Variants in ABLIM2 observed in about 807,000 individuals in gnomAD.
ABLIM2 encodes the protein actin-binding LIM protein 2.
A neutral mutation model predicts 97.7 loss-of-function variants in ABLIM2; 53 were observed. The ratio of observed to expected loss-of-function variants is 0.54; its 90% CI spans 0.44 to 0.68. The LOEUF (loss-of-function observed/expected upper bound fraction) is 0.68, where lower values mean the gene tolerates loss of function less well. ABLIM2 is among the 30% of genes least tolerant of loss of function. The pLI, the probability that ABLIM2 is intolerant of heterozygous loss-of-function variation, is 0.00. For synonymous variants in ABLIM2, 361 were observed against 345.8 expected (o/e 1.04, Z -0.49); for missense variants, 835 against 867.2 (o/e 0.96, Z 0.47).
chr4:7,969,187 C>T (rs1310225218), intron 20 of ABLIM2, among the ~76,000 whole-genome samples: 4 of 152,044 alleles, frequency 2.6e-5, no homozygotes, highest in Admixed American at 6.6e-5. Flanking sequence ...GGTGTGGTGG[C>T]TCACACCTGT....
Position 8,148,846 on chromosome 4 carries a change from C to T in ABLIM2, c.10+9834G>A, listed in dbSNP as rs1272380300. On this transcript the variant is annotated intron_variant, in intron 1 of 20. Coordinates refer to ENST00000447017, the MANE Select transcript of ABLIM2 (RefSeq NM_001130083.2). This position sits in a 1 kb window ranked among gnomAD's most constrained non-coding sequence, Gnocchi z 6.7. ...GGACCCCCACCTCTCCATGAGACCA[C>T]CCCTATCTCCTCCCAGAGCTGCTGA... Among the ~76,000 whole-genome samples, 2 of 152,318 alleles carry T rather than the reference C, an allele frequency of 1.3e-5. No homozygotes were observed. Among genetic ancestry groups the T allele is most frequent in the Middle Eastern group, 3.4e-3 (1 of 294 alleles).
At chr4:8,009,453 A>T (rs1012211908) in intron 14 of ABLIM2, among the ~76,000 whole-genome samples, 8 of 152,036 alleles carry the variant, frequency 5.3e-5, no homozygotes, top group African/African-American at 1.9e-4. Flanking sequence ...CTGGAGTGCC[A>T]TGGTGTGATC....
intron 11 of ABLIM2, among the ~76,000 whole-genome samples, chr4:8,028,364 AGCTCACCT>A (rs1028027742): frequency 1.3e-5 from 2 of 152,172 alleles, no homozygotes; most frequent in East Asian, 1.9e-4. Flanking sequence ...GACTGCCCTT[AGCTCACCT>A]GCTCACCTGC....
At chr4:8,007,166 G>T (rs980167081) in intron 16 of ABLIM2, 6 of 985,442 alleles carry the variant, frequency 6.1e-6, no homozygotes, top group Non-Finnish European at 7.2e-6. Flanking sequence ...GGATGAGGAT[G>T]AGGATGAGAA....
chr4:8,131,301 T>C (rs73218482), intron 1 of ABLIM2, among the ~76,000 whole-genome samples: 1,701 of 152,280 alleles, frequency 0.011, 28 homozygotes, highest in Non-Finnish European at 0.019. Context: ...AACACCTTCA[T>C]TCCTTGTGAT....
intron 17 of ABLIM2, among the ~76,000 whole-genome samples, chr4:7,987,329 C>T (rs997204374): frequency 6.6e-6 from 1 of 152,038 alleles, no homozygotes; most frequent in African/African-American, 2.4e-5. Flanking sequence ...TGCTGTGTTG[C>T]CCAGGCTGGT....
At chr4:8,156,717 G>A (rs534339218) in intron 1 of ABLIM2, among the ~76,000 whole-genome samples, 2 of 152,370 alleles carry the variant, frequency 1.3e-5, no homozygotes, top group South Asian at 4.1e-4. Flanking sequence ...GCCAGCGGGT[G>A]TGGGGAGGGC....
At position 7,986,890 on chromosome 4, in the gene ABLIM2, C is replaced by T. The variant is rs140420595; in HGVS notation, c.1681-1997G>A. 0.04 allele frequency among the ~76,000 whole-genome samples: 6,098 copies of T among 152,250 alleles called. 238 individuals are homozygous for T. Among genetic ancestry groups the T allele is most frequent in the African/African-American group, 0.1 (4,156 of 41,522 alleles). ...TTTCACATGTTGGCTAAGCTGGTCTCGAACTCCTGACCTCAGGTGATCCAC... is the reference window on the plus strand; with the variant it reads ...TTTCACATGTTGGCTAAGCTGGTCTTGAACTCCTGACCTCAGGTGATCCAC... On this transcript the variant is annotated intron_variant, in intron 17 of 20. Transcript: ENST00000447017. This position sits in a 1 kb window ranked among gnomAD's most constrained non-coding sequence, Gnocchi z 4.3.
Position 8,069,141 on chromosome 4 carries a change from C to T in ABLIM2, c.676-8087G>A, listed in dbSNP as rs1392247546. 6.6e-6 allele frequency among the ~76,000 whole-genome samples: 1 copy of T among 152,272 alleles called. No homozygotes were observed. Among genetic ancestry groups the T allele is most frequent in the Non-Finnish European group, 1.5e-5 (1 of 68,048 alleles). On this transcript the variant is annotated intron_variant, in intron 6 of 20. Coordinates refer to ENST00000447017, the MANE Select transcript of ABLIM2 (RefSeq NM_001130083.2). This position sits in a 1 kb window ranked among gnomAD's most constrained non-coding sequence, Gnocchi z 4.2. ...TGGCCCCACTGCCTCTTCCTCTCTA[C>T]CCAGCTCCCGTTAAGGCGTGAGCCT...
Position 8,069,197 on chromosome 4 carries a change from C to T in ABLIM2, c.676-8143G>A, listed in dbSNP as rs768782175. On this transcript the variant is annotated intron_variant, in intron 6 of 20. Coordinates refer to ENST00000447017, the MANE Select transcript of ABLIM2 (RefSeq NM_001130083.2). The surrounding 1 kb of genome is among the most constrained non-coding windows in gnomAD (Gnocchi z 4.2). ...GCGCTTGGCCCAGCGGCCTCATTCT[C>T]TGCTGTACCCCGGCGTCCCCTCCAG... 8.5e-5 allele frequency among the ~76,000 whole-genome samples: 13 copies of T among 152,406 alleles called. No individual in the cohort carries two copies. Among genetic ancestry groups the T allele is most frequent in the South Asian group, 4.1e-4 (2 of 4,834 alleles).
chr4:8,129,129 G>A (rs968154180), intron 1 of ABLIM2, among the ~76,000 whole-genome samples: 2 of 152,154 alleles, frequency 1.3e-5, no homozygotes, highest in East Asian at 3.9e-4. Context: ...CACATGGTGG[G>A]CTTGTCTAGG....
intron 20 of ABLIM2, among the ~76,000 whole-genome samples, chr4:7,981,650 T>A (rs1319896680): frequency 3.3e-5 from 5 of 152,138 alleles, no homozygotes; most frequent in Non-Finnish European, 7.3e-5. Context: ...AACAAACAGG[T>A]CAAAATGGAT....
In ABLIM2 at chr4:7,986,756, T is replaced by C. The variant is rs1180500174; in HGVS notation, c.1681-1863A>G. 1.3e-5 allele frequency among the ~76,000 whole-genome samples: 2 copies of C among 152,058 alleles called. No individual in the cohort carries two copies. Among genetic ancestry groups the C allele is most frequent in the African/African-American group, 4.8e-5 (2 of 41,406 alleles). ...GGCGTGATCTCGGCTCAATGCAAAC[T>C]CCACCTCCCGGGTTCAAGTGATTCT... On this transcript the variant is annotated intron_variant, in intron 17 of 20. Coordinates refer to ENST00000447017, the MANE Select transcript of ABLIM2 (RefSeq NM_001130083.2). The surrounding 1 kb of genome is among the most constrained non-coding windows in gnomAD (Gnocchi z 4.3).
Position 7,966,649 on chromosome 4 carries a change from CAG to C in ABLIM2, c.*339_*340del. On this transcript the variant is annotated 3_prime_UTR_variant, in exon 21 of 21. Coordinates refer to ENST00000447017, the MANE Select transcript of ABLIM2 (RefSeq NM_001130083.2). ...CGGCCACCTCTGTCCCCCACGTGCC[CAG>C]CACCGGGGCCAGGGCACCTCGAGAA... The C allele has an allele frequency of 3.9e-6, 1 of 258,824 alleles. No homozygotes were observed. The highest frequency in any genetic ancestry group is 2.2e-5 in the African/African-American group (1 of 46,236). The allele number at this position is 258,824 out of a possible 1,614,324, so 16.0% of individuals were successfully genotyped here.
rs1441116100 is a variant in ABLIM2, at chr4:8,072,960, G to A, written c.675+4668C>T. ...CCGGATCTGCAGAAGAGCAGGGAGA[G>A]TACAGGTGGAGGAGCACAGAGAGGG... On this transcript the variant is annotated intron_variant, in intron 6 of 20. Coordinates refer to ENST00000447017, the MANE Select transcript of ABLIM2 (RefSeq NM_001130083.2). This position sits in a 1 kb window ranked among gnomAD's most constrained non-coding sequence, Gnocchi z 5.8. Among the ~76,000 whole-genome samples, 1 of 152,170 alleles carries A rather than the reference G, an allele frequency of 6.6e-6. No homozygotes were observed. Among genetic ancestry groups the A allele is most frequent in the Non-Finnish European group, 1.5e-5 (1 of 68,036 alleles).
At chr4:8,110,597 A>G (rs1265756744) in intron 1 of ABLIM2, among the ~76,000 whole-genome samples, 2 of 150,542 alleles carry the variant, frequency 1.3e-5, no homozygotes, top group African/African-American at 4.9e-5. Context: ...GTTATTTTCA[A>G]GAACACTGGC....
intron 14 of ABLIM2, among the ~76,000 whole-genome samples, chr4:8,011,262 C>A (rs935369410): frequency 2.0e-5 from 3 of 152,034 alleles, no homozygotes; most frequent in African/African-American, 7.2e-5. Context: ...GAGAGGGATG[C>A]TCTGCCAAGA....
chr4:8,091,300 T>TA lies in ABLIM2; in HGVS notation c.339-3017_339-3016insT, dbSNP rs1827312646. Among the ~76,000 whole-genome samples the TA allele has an allele frequency of 5.7e-5, 3 of 52,908 alleles. 1 individual carries two copies. The highest frequency in any genetic ancestry group is 1.3e-4 in the African/African-American group (2 of 15,102). 34.7% of individuals were successfully genotyped at this position (52,908 alleles called of 152,430 possible). A position where few individuals can be genotyped will look rare whatever the true frequency, so the allele number is the denominator to read the frequency against. ...ATATAATTATATATAATATTATATA[T>TA]TATATTATATATATATAATTATATA... On this transcript the variant is annotated intron_variant, in intron 3 of 20. Transcript: ENST00000447017.
rs139258906 is a variant in ABLIM2, at chr4:8,156,083, C to A, written c.10+2597G>T. Among the ~76,000 whole-genome samples the A allele has an allele frequency of 3.8e-3, 579 of 152,300 alleles. 5 individuals carry two copies. The highest frequency in any genetic ancestry group is 0.03 in the East Asian group (155 of 5,186). Reference sequence around the variant, plus strand: ...CTCTGTCCACCTGGGGGAATCTGATCTGCCAGGCCAGCAGCTGCCCAGGAG... The same window carrying A: ...CTCTGTCCACCTGGGGGAATCTGATATGCCAGGCCAGCAGCTGCCCAGGAG... On this transcript the variant is annotated intron_variant, in intron 1 of 20. Coordinates refer to ENST00000447017, the MANE Select transcript of ABLIM2 (RefSeq NM_001130083.2).
Sources: allele counts gnomAD v4.1 joint callset (sites outside exome capture counted in the v4.1 genomes callset), GRCh38; gene constraint gnomAD v4.1.1; non-coding constraint Gnocchi (gnomAD v3.1); transcripts MANE v1.5; gene names NCBI Gene and HGNC (gene_info 2026-07-23, HGNC 2026-07-21).